The following FHOD3 variants were observed in gnomAD, a reference collection of about 807,000 sequenced individuals.
FHOD3 encodes the protein FH1/FH2 domain-containing protein 3.
A neutral mutation model predicts 173.0 loss-of-function variants in FHOD3; 90 were observed. The observed-to-expected ratio is 0.52, with a 90% CI of 0.44 to 0.62. The LOEUF is 0.62. Ranked by LOEUF, FHOD3 falls within the 20% of genes least tolerant of loss-of-function variation. FHOD3 has a pLI of 0.00. For missense variants in FHOD3, 1,945 were observed against 2,034.7 expected, an observed-to-expected ratio of 0.96 and a Z score of 0.85; for synonymous variants, 828 against 823.0, an observed-to-expected ratio of 1.01 and a Z score of -0.10.
intron 6 of FHOD3, among the ~76,000 whole-genome samples, chr18:36,593,278 G>A (rs578243460): frequency 6.6e-5 from 10 of 152,304 alleles, no homozygotes; most frequent in Admixed American, 2.0e-4. Context: ...TGAGTCAGTG[G>A]GAAGTTAGGA....
intron 17 of FHOD3, among the ~76,000 whole-genome samples, chr18:36,703,516 G>A (rs1456586168): frequency 2.6e-5 from 4 of 152,166 alleles, no homozygotes; most frequent in Admixed American, 2.0e-4. Flanking sequence ...TATTGTAGGT[G>A]TGGGAACCAA....
chr18:36,475,256 TG>T (rs1338288198), intron 3 of FHOD3, among the ~76,000 whole-genome samples: 2 of 152,128 alleles, frequency 1.3e-5, no homozygotes, highest in South Asian at 4.1e-4. Flanking sequence ...GGTGCTCACC[TG>T]TCTTTGGAGC....
chr18:36,502,712 G>T (rs1036910755), intron 4 of FHOD3, among the ~76,000 whole-genome samples: 4 of 152,118 alleles, frequency 2.6e-5, no homozygotes, highest in African/African-American at 9.7e-5. Context: ...ACATACATGT[G>T]CAAAGCCTAT....
intron 1 of FHOD3, among the ~76,000 whole-genome samples, chr18:36,320,790 A>AT (rs1420555470): frequency 6.6e-6 from 1 of 152,184 alleles, no homozygotes; most frequent in Non-Finnish European, 1.5e-5. Flanking sequence ...TGTAGTGTTT[A>AT]TTTTTTTGTT....
At chr18:36,542,172 C>A (rs940227425) in intron 5 of FHOD3, among the ~76,000 whole-genome samples, 7 of 152,072 alleles carry the variant, frequency 4.6e-5, no homozygotes, top group Non-Finnish European at 7.3e-5. Context: ...AGAGTGAGTA[C>A]CATCTTTGTC....
intron 5 of FHOD3, among the ~76,000 whole-genome samples, chr18:36,556,709 G>GT (rs1270891868): frequency 1.3e-5 from 2 of 152,094 alleles, no homozygotes; most frequent in Admixed American, 6.6e-5. Context: ...CTTTTAAAGA[G>GT]TTTTTTTAAA....
intron 3 of FHOD3, among the ~76,000 whole-genome samples, chr18:36,434,614 G>T (rs776242280): frequency 2.6e-5 from 4 of 152,002 alleles, no homozygotes; most frequent in African/African-American, 4.8e-5. Flanking sequence ...TTTTTATTGG[G>T]ATTGCAGTGA....
chr18:36,625,324 C>T (rs897533869), intron 9 of FHOD3, among the ~76,000 whole-genome samples, 187 bp from the exon 10 acceptor site: 4 of 152,224 alleles, frequency 2.6e-5, no homozygotes, highest in East Asian at 3.8e-4. Context: ...AGGCATCTTC[C>T]AGTGCCCAGG....
intron 10 of FHOD3, among the ~76,000 whole-genome samples, chr18:36,645,345 A>T (rs1465528575): frequency 6.6e-6 from 1 of 152,182 alleles, no homozygotes; most frequent in Non-Finnish European, 1.5e-5. Context: ...ACTTGAACTC[A>T]GGAATCAGAG....
intron 3 of FHOD3, among the ~76,000 whole-genome samples, chr18:36,430,971 A>G (rs1405566803): frequency 6.6e-6 from 1 of 152,174 alleles, no homozygotes; most frequent in African/African-American, 2.4e-5. Flanking sequence ...ACTCAATACA[A>G]CTTCAAGCGA....
chr18:36,340,624 C>A (rs774263195), intron 1 of FHOD3, among the ~76,000 whole-genome samples: 1 of 141,618 alleles, frequency 7.1e-6, no homozygotes, highest in East Asian at 2.1e-4. Context: ...TGCTGCTGCT[C>A]AGTCTCCTTT....
chr18:36,752,963 T>C (rs1363389426), intron 24 of FHOD3, among the ~76,000 whole-genome samples: 1 of 152,200 alleles, frequency 6.6e-6, no homozygotes, highest in African/African-American at 2.4e-5. Flanking sequence ...ATATATCTAA[T>C]ATATAATGTC....
chr18:36,453,769 G>A (rs1242843157), intron 3 of FHOD3, among the ~76,000 whole-genome samples: 1 of 152,134 alleles, frequency 6.6e-6, no homozygotes, highest in Non-Finnish European at 1.5e-5. Flanking sequence ...CAAAGAAGCC[G>A]GCACTGCACA....
At chr18:36,633,081 T>C (rs2034629978) in intron 10 of FHOD3, among the ~76,000 whole-genome samples, 1 of 152,210 alleles carries the variant, frequency 6.6e-6, no homozygotes, top group South Asian at 2.1e-4. Flanking sequence ...CTGCTGGCAC[T>C]TGGGAGGGGC....
At chr18:36,376,603 G>A (rs1490798600) in intron 3 of FHOD3, among the ~76,000 whole-genome samples, 1 of 152,156 alleles carries the variant, frequency 6.6e-6, no homozygotes, top group African/African-American at 2.4e-5. Flanking sequence ...ACTGATCTCT[G>A]CATAAGATGC....
chr18:36,658,692 T>C (rs905549052), intron 14 of FHOD3, among the ~76,000 whole-genome samples: 1 of 152,194 alleles, frequency 6.6e-6, no homozygotes, highest in African/African-American at 2.4e-5. Context: ...AGAAATTAAC[T>C]GATTATGACT....
intron 6 of FHOD3, among the ~76,000 whole-genome samples, chr18:36,586,144 G>A (rs983763885): frequency 6.6e-6 from 1 of 152,104 alleles, no homozygotes; most frequent in Non-Finnish European, 1.5e-5. Context: ...CACCTTTATT[G>A]TTACTCAGAA....
intron 3 of FHOD3, among the ~76,000 whole-genome samples, chr18:36,471,058 C>T (rs138664032): frequency 5.3e-5 from 8 of 152,174 alleles, no homozygotes; most frequent in Non-Finnish European, 1.0e-4. Context: ...GCTCAGGGAT[C>T]GCAGTGTCCC....
intron 1 of FHOD3, among the ~76,000 whole-genome samples, chr18:36,342,212 A>G (rs2045658730): frequency 1.3e-5 from 2 of 152,170 alleles, no homozygotes; most frequent in Admixed American, 1.3e-4. Flanking sequence ...TGCAGAAAGG[A>G]GCATAAGAAG....
Sources: allele counts gnomAD v4.1 joint callset (sites outside exome capture counted in the v4.1 genomes callset), GRCh38; gene constraint gnomAD v4.1.1; transcripts MANE v1.5; gene names NCBI Gene and HGNC (gene_info 2026-07-23, HGNC 2026-07-21).